The following NEDD4L variants were observed in gnomAD, a reference collection of about 807,000 sequenced individuals.
NEDD4L encodes the protein NEDD4 like E3 ubiquitin protein ligase.
NEDD4L carries 54 observed loss-of-function variants against 148.9 expected under a neutral mutation model. The ratio of observed to expected loss-of-function variants is 0.36; its 90% CI spans 0.29 to 0.45. NEDD4L has a LOEUF of 0.45. NEDD4L is among the 20% of genes least tolerant of loss of function. The probability of loss-of-function intolerance (pLI) is 1.00; values close to 1 mark genes in which losing one functional copy is unlikely to be tolerated. For synonymous variants in NEDD4L, 433 were observed against 440.7 expected, an observed-to-expected ratio of 0.98 and a Z score of 0.22; for missense variants, 856 against 1,233.8, an observed-to-expected ratio of 0.69 and a Z score of 4.59.
intron 5 of NEDD4L, among the ~76,000 whole-genome samples, chr18:58,297,310 G>T (rs1327276569): frequency 6.6e-6 from 1 of 152,126 alleles, no homozygotes; most frequent in Non-Finnish European, 1.5e-5. Flanking sequence ...TTATGGACGA[G>T]AGTGTCAAAA....
Position 58,125,358 on chromosome 18 carries a change from G to GGTGTGTGTGT in NEDD4L, c.49-40409_49-40400dup, listed in dbSNP as rs34644275. Among the ~76,000 whole-genome samples, 802 of 148,800 alleles carry GGTGTGTGTGT rather than the reference G, an allele frequency of 5.4e-3. 3 individuals are homozygous for GGTGTGTGTGT. The highest frequency in any genetic ancestry group is 0.019 in the African/African-American group (758 of 40,484). On this transcript the variant is annotated intron_variant, in intron 1 of 30. Transcript: ENST00000400345. ...ACTGTCCTCTTCCCCCCACCAGGAG[G>GGTGTGTGTGT]GTGTGTGTGTGTGTGTGTGTGTGTG...
intron 5 of NEDD4L, among the ~76,000 whole-genome samples, chr18:58,283,456 C>T (rs1185610976): frequency 2.0e-5 from 3 of 152,164 alleles, no homozygotes; most frequent in East Asian, 1.9e-4. Context: ...AAGCAAGTCA[C>T]GTGGCCATGC....
chr18:58,199,310 A>G (rs2041123686), intron 2 of NEDD4L, among the ~76,000 whole-genome samples: 1 of 152,176 alleles, frequency 6.6e-6, no homozygotes, highest in Non-Finnish European at 1.5e-5. Flanking sequence ...CTTCTCTCCC[A>G]CAAGGGACAT....
chr18:58,179,300 T>TA (rs1302536611), intron 2 of NEDD4L, among the ~76,000 whole-genome samples: 1 of 152,236 alleles, frequency 6.6e-6, no homozygotes, highest in Non-Finnish European at 1.5e-5. Context: ...TGTTTGTCCT[T>TA]ACATAGTTTC....
At chr18:58,291,243 C>T (rs1179169539) in intron 5 of NEDD4L, among the ~76,000 whole-genome samples, 6 of 152,206 alleles carry the variant, frequency 3.9e-5, no homozygotes, top group South Asian at 2.1e-4. Context: ...CACAGAAAAC[C>T]GGGCTGACTG....
At chr18:58,310,554 T>C (rs902652746) in intron 5 of NEDD4L, among the ~76,000 whole-genome samples, 1 of 152,250 alleles carries the variant, frequency 6.6e-6, no homozygotes, top group African/African-American at 2.4e-5. Flanking sequence ...GCAATTCACC[T>C]TGAAAGGCAG....
At chr18:58,150,707 G>C (rs534839286) in intron 1 of NEDD4L, among the ~76,000 whole-genome samples, 209 of 152,316 alleles carry the variant, frequency 1.4e-3, no homozygotes, top group African/African-American at 4.9e-3. Context: ...TTTCTTAGGA[G>C]GTGCTATGCA....
At chr18:58,109,573 T>TTTTTG (rs2085290557) in intron 1 of NEDD4L, among the ~76,000 whole-genome samples, 6 of 116,894 alleles carry the variant, frequency 5.1e-5, no homozygotes, top group East Asian at 2.3e-4. Context: ...TTTTTTTTTG[T>TTTTTG]TTTTTTTTTT....
Position 58,342,961 on chromosome 18 carries a change from A to G in NEDD4L, c.1433A>G (p.Gln478Arg). 6.2e-7 allele frequency: 1 copy of G among 1,613,564 alleles called. No homozygotes were observed. The highest frequency in any genetic ancestry group is 8.5e-7 in the Non-Finnish European group (1 of 1,179,702). Reference sequence around the variant, plus strand: ...GTGAAAGACACCCTTTCCAACCCACAGTCCCCACAGCCATCACCTTACAAC... The same window carrying G: ...GTGAAAGACACCCTTTCCAACCCACGGTCCCCACAGCCATCACCTTACAAC... The part of the protein sequence containing the change: ...RAVKDTLSNP[Q>R]SPQPSPYNSP... The change falls in exon 16 of 31, where the codon CAG (glutamine) becomes CGG (arginine). Residue 478 changes from glutamine (Q) to arginine (R), a missense_variant. By Grantham distance (43) the Gln-to-Arg change is conservative. Transcript: ENST00000400345.
chr18:58,290,389 CA>C (rs1408688076), intron 5 of NEDD4L, among the ~76,000 whole-genome samples: 3 of 152,178 alleles, frequency 2.0e-5, no homozygotes, highest in Admixed American at 2.0e-4. Flanking sequence ...TTATACTTCA[CA>C]AATGTAAGGT....
chr18:58,147,966 G>A (rs1197303723), intron 1 of NEDD4L, among the ~76,000 whole-genome samples: 5 of 152,090 alleles, frequency 3.3e-5, no homozygotes, highest in African/African-American at 1.2e-4. Flanking sequence ...AGAAGGGGCT[G>A]GGCTCGGAAT....
chr18:58,400,876 C>T lies in NEDD4L; in HGVS notation c.*4607C>T, dbSNP rs530485300. On this transcript the variant is annotated 3_prime_UTR_variant, in exon 31 of 31. Transcript: ENST00000400345. ...GTTAACTTTGCGTGACTTTGTTCTT[C>T]CTTTACTACTCTGTATGTAATATAT... The T allele has an allele frequency of 6.6e-6, 1 of 152,264 alleles. No homozygotes were observed. Among genetic ancestry groups the T allele is most frequent in the Non-Finnish European group, 1.5e-5 (1 of 68,032 alleles). The allele number at this position is 152,264 out of a possible 1,614,324, so 9.4% of individuals were successfully genotyped here. A position where few individuals can be genotyped will look rare whatever the true frequency, so the allele number is the denominator to read the frequency against.
rs978225328 is a variant in NEDD4L, at chr18:58,109,716, G to GC, written c.49-56066dup. On this transcript the variant is annotated intron_variant, in intron 1 of 30. Transcript: ENST00000400345. Reference sequence around the variant, plus strand: ...CTCCCAAGTAGCTGGGATTACAGGTGCCCCCCACCACACCTGGCTAATTTT... The same window carrying GC: ...CTCCCAAGTAGCTGGGATTACAGGTGCCCCCCCACCACACCTGGCTAATTTT... Among the ~76,000 whole-genome samples the GC allele has an allele frequency of 1.1e-4, 16 of 151,680 alleles. 1 individual carries two copies. Among genetic ancestry groups the GC allele is most frequent in the Admixed American group, 9.9e-4 (15 of 15,214 alleles).
chr18:58,358,231 G>A (rs1291410146), intron 19 of NEDD4L, among the ~76,000 whole-genome samples: 1 of 152,140 alleles, frequency 6.6e-6, no homozygotes, highest in Non-Finnish European at 1.5e-5. Context: ...CCCGGTAACT[G>A]ACTCCTGTTA....
chr18:58,128,047 C>CTTTGT (rs1014790213), intron 1 of NEDD4L, among the ~76,000 whole-genome samples: 3 of 151,798 alleles, frequency 2.0e-5, no homozygotes, highest in Admixed American at 6.6e-5. Context: ...CTTTGCTTTC[C>CTTTGT]TTTGTTTTGT....
chr18:58,179,711 A>G (rs1260646561), intron 2 of NEDD4L, among the ~76,000 whole-genome samples: 2 of 151,878 alleles, frequency 1.3e-5, no homozygotes, highest in Non-Finnish European at 1.5e-5. Flanking sequence ...ATGAGAATCT[A>G]ACGCCTGATG....
intron 28 of NEDD4L, chr18:58,389,523 G>C (rs1248011098): frequency 1.4e-5 from 3 of 209,872 alleles, no homozygotes; most frequent in East Asian, 2.1e-4. Context: ...GCAGAAACAG[G>C]CTTCAGGGAT....
intron 1 of NEDD4L, among the ~76,000 whole-genome samples, chr18:58,061,083 A>G (rs2082310920): frequency 3.3e-5 from 5 of 152,012 alleles, no homozygotes. Context: ...TTTGATTGTC[A>G]CAGCTTAGGA....
Position 58,322,500 on chromosome 18 carries a change from G to C in NEDD4L, c.410+14G>C. On this transcript the variant is annotated intron_variant, in intron 7 of 30. Transcript: ENST00000400345. The stretch of plus-strand genomic sequence containing the variant: ...CAGACCAAGAAGGTGAGGCTTGTGG[G>C]TATGGGTGGGTGGGGATGCCTGCCC... 5.6e-6 allele frequency: 3 copies of C among 533,378 alleles called. No homozygotes were observed. The highest frequency in any genetic ancestry group is 1.1e-5 in the Non-Finnish European group (3 of 265,044). 33.0% of individuals were successfully genotyped at this position (533,378 alleles called of 1,614,324 possible).
Sources: allele counts gnomAD v4.1 joint callset (sites outside exome capture counted in the v4.1 genomes callset), GRCh38; gene constraint gnomAD v4.1.1; transcripts MANE v1.5; gene names NCBI Gene and HGNC (gene_info 2026-07-23, HGNC 2026-07-21).